The following GIGYF2 variants were observed in gnomAD, a reference collection of about 807,000 sequenced individuals.
GIGYF2 encodes the protein GRB10 interacting GYF protein 2, also known as GRB10-interacting GYF protein 2.
A neutral mutation model predicts 208.1 loss-of-function variants in GIGYF2; 25 were observed. That is an observed-to-expected ratio of 0.12 (90% CI 0.09 to 0.17). The LOEUF (loss-of-function observed/expected upper bound fraction) is 0.17. Ranked by LOEUF, GIGYF2 falls within the 10% of genes least tolerant of loss-of-function variation. GIGYF2 has a pLI of 1.00. For synonymous variants in GIGYF2, 534 were observed against 543.8 expected (o/e 0.98, Z 0.25); for missense variants, 1,302 against 1,579.4 (o/e 0.82, Z 2.98).
intron 1 of GIGYF2, chr2:232,700,554 C>T (rs1042364638): frequency 6.6e-6 from 1 of 152,200 alleles, no homozygotes; most frequent in Non-Finnish European, 1.5e-5. Flanking sequence ...TTAAATTTCC[C>T]ATACTTTCTG....
Position 232,858,595 on chromosome 2 carries a change from A to C in GIGYF2, c.*1735A>C. ...CTTTTGCCAGTGTGGAGGAAAATAA[A>C]AAAGAACTTAAATAAAATCTGATTG... On this transcript the variant is annotated 3_prime_UTR_variant, in exon 29 of 29. Coordinates refer to ENST00000373563, the MANE Select transcript of GIGYF2 (RefSeq NM_001103146.3). 2 of 454,446 alleles carry C rather than the reference A, an allele frequency of 4.4e-6. No homozygotes were observed. The highest frequency in any genetic ancestry group is 8.8e-6 in the Non-Finnish European group (2 of 226,376). The allele number at this position is 454,446 out of a possible 1,614,324, so 28.2% of individuals were successfully genotyped here. A position where few individuals can be genotyped will look rare whatever the true frequency, so the allele number is the denominator to read the frequency against.
chr2:232,829,382 C>T (rs1257888235), intron 21 of GIGYF2, among the ~76,000 whole-genome samples: 2 of 151,984 alleles, frequency 1.3e-5, no homozygotes, highest in African/African-American at 4.8e-5. Flanking sequence ...TATGTATCTA[C>T]TGATTTTTAT....
chr2:232,740,732 G>A (rs1185281533), intron 3 of GIGYF2, among the ~76,000 whole-genome samples: 2 of 152,104 alleles, frequency 1.3e-5, no homozygotes, highest in Non-Finnish European at 1.5e-5. Context: ...TATGGGAGAC[G>A]GGTAAGAGAA....
chr2:232,819,719 CAG>C (rs1378381295), intron 20 of GIGYF2, 106 bp from the exon 21 acceptor site: 1 of 688,246 alleles, frequency 1.5e-6, no homozygotes. Flanking sequence ...TACTGTTTAA[CAG>C]AGTCTTAGCA....
At chr2:232,821,108 G>T (rs1253874319) in intron 21 of GIGYF2, among the ~76,000 whole-genome samples, 1 of 152,174 alleles carries the variant, frequency 6.6e-6, no homozygotes, top group African/African-American at 2.4e-5. Flanking sequence ...GGGATTACAG[G>T]TGTGTCTTTT....
intron 1 of GIGYF2, among the ~76,000 whole-genome samples, chr2:232,701,992 T>A (rs1307442392): frequency 6.6e-6 from 1 of 151,634 alleles, no homozygotes; most frequent in Middle Eastern, 3.2e-3. Flanking sequence ...GAGACCCCCA[T>A]CTCTAAAAAA....
chr2:232,755,817 T>A (rs529203284), intron 5 of GIGYF2, among the ~76,000 whole-genome samples: 76 of 152,342 alleles, frequency 5.0e-4, no homozygotes, highest in African/African-American at 1.8e-3. Context: ...TAACTCCCTT[T>A]CATTTCCACT....
intron 8 of GIGYF2, among the ~76,000 whole-genome samples, chr2:232,777,545 A>C (rs903387548): frequency 2.0e-5 from 3 of 152,172 alleles, no homozygotes; most frequent in African/African-American, 4.8e-5. Context: ...CCTGCTGGGA[A>C]AATTATTAAT....
chr2:232,827,079 C>T (rs1701271555), intron 21 of GIGYF2, among the ~76,000 whole-genome samples: 1 of 152,156 alleles, frequency 6.6e-6, no homozygotes, highest in South Asian at 2.1e-4. Flanking sequence ...AGTGCCTGGC[C>T]TCAAAGCCTC....
At chr2:232,712,164 T>C (rs1242575657) in intron 2 of GIGYF2, among the ~76,000 whole-genome samples, 3 of 152,188 alleles carry the variant, frequency 2.0e-5, no homozygotes, top group Non-Finnish European at 4.4e-5. Context: ...TGAAGTCTCA[T>C]TCATTTTGAA....
chr2:232,723,463 C>T (rs538220687), intron 2 of GIGYF2, among the ~76,000 whole-genome samples: 130 of 144,356 alleles, frequency 9.0e-4, no homozygotes, highest in African/African-American at 3.3e-3. Context: ...CAGAGTCTCG[C>T]TCTGTCACCC....
At chr2:232,833,895 T>A (rs534733944) in intron 22 of GIGYF2, among the ~76,000 whole-genome samples, 21 of 152,006 alleles carry the variant, frequency 1.4e-4, no homozygotes, top group African/African-American at 4.1e-4. Flanking sequence ...TTTTTTTTTT[T>A]AATAAGGAGA....
In GIGYF2 at chr2:232,811,323, C is replaced by G. The variant is rs768173157; in HGVS notation, c.1978C>G (p.Leu660Val). The G allele has an allele frequency of 3.7e-6, 6 of 1,608,264 alleles. No homozygotes were observed. Among genetic ancestry groups the G allele is most frequent in the Non-Finnish European group, 1.7e-6 (2 of 1,174,884 alleles). Residue 660 changes from leucine to valine, a missense_variant, in exon 17 of 29, where the codon CTT becomes GTT. Leu to Val is a conservative substitution (Grantham distance 32). Coordinates refer to ENST00000373563, the MANE Select transcript of GIGYF2 (RefSeq NM_001103146.3). ...SQQQQQLALL[L>V]QQFQTLKMRI... ...GCAGCAGCAGCAGTTGGCACTTCTT[C>G]TTCAACAGTTTCAGACCTTGAAGAT...
chr2:232,705,975 G>A (rs959904039), intron 2 of GIGYF2: 2 of 152,260 alleles, frequency 1.3e-5, no homozygotes, highest in African/African-American at 4.8e-5. Context: ...AAAGTGCTGG[G>A]ATTACAGGCA....
At chr2:232,759,624 A>G (rs1171540404) in intron 6 of GIGYF2, among the ~76,000 whole-genome samples, 1 of 151,716 alleles carries the variant, frequency 6.6e-6, no homozygotes, top group East Asian at 1.9e-4. Flanking sequence ...ATAGTGTTCT[A>G]CTGTATTTTA....
chr2:232,844,238 A>G lies in GIGYF2; in HGVS notation c.3082A>G (p.Arg1028Gly). Reference sequence around the variant, plus strand: ...GCAGCAGCAACACCAGCAACCAAACAGAGCTCGTAACAATACGGTGTGTGC... The same window carrying G: ...GCAGCAGCAACACCAGCAACCAAACGGAGCTCGTAACAATACGGTGTGTGC... The part of the protein sequence containing the change: ...QQQQQHQQPN[R>G]ARNNTHSNLH... The change falls in exon 24 of 29, where the codon AGA (arginine) becomes GGA (glycine). Residue 1028 changes from arginine to glycine, a missense_variant. Physicochemically the swap from Arg to Gly is moderately radical, Grantham distance 125. Transcript: ENST00000373563. The G allele has an allele frequency of 1.3e-6, 2 of 1,572,560 alleles. No individual in the cohort carries two copies. Among genetic ancestry groups the G allele is most frequent in the Non-Finnish European group, 8.6e-7 (1 of 1,157,526 alleles).
At chr2:232,705,349 A>G (rs1200771683) in intron 2 of GIGYF2, 1 of 152,210 alleles carries the variant, frequency 6.6e-6, no homozygotes, top group Non-Finnish European at 1.5e-5. Context: ...CAGAATTATT[A>G]GATAATACTA....
At chr2:232,745,826 C>T (rs1046619857) in intron 3 of GIGYF2, among the ~76,000 whole-genome samples, 3 of 152,088 alleles carry the variant, frequency 2.0e-5, no homozygotes, top group Non-Finnish European at 4.4e-5. Context: ...CCACTACATA[C>T]GAAGTATTGC....
chr2:232,713,330 G>C (rs1696520423), intron 2 of GIGYF2, among the ~76,000 whole-genome samples: 1 of 152,108 alleles, frequency 6.6e-6, no homozygotes, highest in Non-Finnish European at 1.5e-5. Flanking sequence ...GGCTGACTTT[G>C]GCCTCCCAAA....
Sources: gnomAD v4.1 joint callset for allele counts (sites outside exome capture counted in the v4.1 genomes callset) on GRCh38, gnomAD v4.1.1 for gene constraint, MANE v1.5 for transcripts, NCBI Gene and HGNC (gene_info 2026-07-23, HGNC 2026-07-21) for gene names.